CERS3: variants seen among roughly 807,000 people sequenced by gnomAD.
CERS3 encodes ceramide synthase 3.
CERS3 carries 33 observed loss-of-function variants against 50.3 expected under a neutral mutation model. That is an observed-to-expected ratio of 0.66 (90% CI 0.50 to 0.88). The LOEUF is 0.88. Among genes scored for constraint, CERS3 ranks in the 40% least tolerant of loss-of-function variants. The pLI is 0.00. For missense variants in CERS3, 470 were observed against 460.3 expected (o/e 1.02, Z -0.19); for synonymous variants, 176 against 155.2 (o/e 1.13, Z -0.99).
At chr15:100,467,389 G>T (rs1189468508) in intron 10 of CERS3, among the ~76,000 whole-genome samples, 1 of 152,086 alleles carries the variant, frequency 6.6e-6, no homozygotes, top group Non-Finnish European at 1.5e-5. Flanking sequence ...TGCAACCTGG[G>T]TGTATGTTTT....
At chr15:100,468,012 C>T (rs1486137990) in intron 10 of CERS3, among the ~76,000 whole-genome samples, 1 of 151,714 alleles carries the variant, frequency 6.6e-6, no homozygotes, top group Non-Finnish European at 1.5e-5. Context: ...AGGCATGCAC[C>T]ACCATGCCCA....
chr15:100,435,822 C>T (rs958523043), intron 11 of CERS3, among the ~76,000 whole-genome samples: 4 of 152,188 alleles, frequency 2.6e-5, no homozygotes, highest in African/African-American at 9.7e-5. Context: ...AGGGTATGAA[C>T]AGACACTTTT....
At chr15:100,518,608 T>C (rs975729781) in intron 2 of CERS3, among the ~76,000 whole-genome samples, 1 of 152,240 alleles carries the variant, frequency 6.6e-6, no homozygotes, top group Non-Finnish European at 1.5e-5. Context: ...CAATATGCAT[T>C]TACACAATTT....
At chr15:100,531,172 A>G (rs1262074026), upstream of CERS3, among the ~76,000 whole-genome samples, 1 of 152,252 alleles carries the variant, frequency 6.6e-6, no homozygotes, top group Non-Finnish European at 1.5e-5. Context: ...ACAATGAAAC[A>G]CATGTTATTT....
At chr15:100,530,952 T>C (rs996828388), upstream of CERS3, among the ~76,000 whole-genome samples, 1 of 151,910 alleles carries the variant, frequency 6.6e-6, no homozygotes, top group African/African-American at 2.4e-5. Flanking sequence ...GGCATGGTGG[T>C]GGGCGCCTGT....
At chr15:100,431,637 A>G (rs1567609593) in intron 11 of CERS3, among the ~76,000 whole-genome samples, 2 of 152,198 alleles carry the variant, frequency 1.3e-5, no homozygotes. Context: ...ACATTTTTCC[A>G]GTGGGGAGAA....
At chr15:100,421,522 A>G (rs930130585) in intron 11 of CERS3, among the ~76,000 whole-genome samples, 36 of 151,556 alleles carry the variant, frequency 2.4e-4, no homozygotes, top group African/African-American at 8.7e-4. Context: ...GGTAATTTAT[A>G]GATTCAATGC....
At chr15:100,500,743 C>T (rs909855884) in intron 3 of CERS3, among the ~76,000 whole-genome samples, 13 of 152,134 alleles carry the variant, frequency 8.5e-5, no homozygotes, top group East Asian at 1.9e-4. Flanking sequence ...AGGAATAGCA[C>T]GCTGTTGGCC....
chr15:100,466,513 G>A (rs2034721477), intron 10 of CERS3, among the ~76,000 whole-genome samples: 1 of 152,062 alleles, frequency 6.6e-6, no homozygotes. Flanking sequence ...ATACAAGGTT[G>A]GAAATGACGT....
chr15:100,402,636 T>C lies in CERS3; in HGVS notation c.*77A>G, dbSNP rs2030636424. Reference sequence around the variant, plus strand: ...AAAGAGGGAAGGGCAGAATGTGGGGTCGGTGTGGGGCCTGGAAGCCAGGCT... The same window carrying C: ...AAAGAGGGAAGGGCAGAATGTGGGGCCGGTGTGGGGCCTGGAAGCCAGGCT... On this transcript the variant is annotated 3_prime_UTR_variant, in exon 12 of 12. Transcript: ENST00000679737. The C allele has an allele frequency of 7.1e-7, 1 of 1,417,400 alleles. No individual in the cohort carries two copies. Among genetic ancestry groups the C allele is most frequent in the Non-Finnish European group, 9.6e-7 (1 of 1,039,746 alleles). The allele number at this position is 1,417,400 out of a possible 1,614,324, so 87.8% of individuals were successfully genotyped here. A position where few individuals can be genotyped will look rare whatever the true frequency, so the allele number is the denominator to read the frequency against.
At chr15:100,526,662 A>C (rs12916817) in intron 1 of CERS3, among the ~76,000 whole-genome samples, 1 of 152,188 alleles carries the variant, frequency 6.6e-6, no homozygotes, top group Non-Finnish European at 1.5e-5. Flanking sequence ...AAGCTGGATC[A>C]GCTCCACAAA....
At chr15:100,467,811 C>A (rs55995345) in intron 10 of CERS3, among the ~76,000 whole-genome samples, 59,370 of 124,158 alleles carry the variant, frequency 0.48, 15,232 homozygotes, top group Non-Finnish European at 0.56. Context: ...ATATATACGT[C>A]TATATATATG....
At chr15:100,532,182 G>A (rs2036953514), upstream of CERS3, among the ~76,000 whole-genome samples, 1 of 151,606 alleles carries the variant, frequency 6.6e-6, no homozygotes, top group South Asian at 2.1e-4. Context: ...GGGTGTAGAT[G>A]GGGAAGAAGG....
At chr15:100,535,625 T>A (rs1184619193) in intron 1 of CERS3, among the ~76,000 whole-genome samples, 2 of 142,844 alleles carry the variant, frequency 1.4e-5, no homozygotes, top group African/African-American at 5.2e-5. Context: ...GTAAGCACGA[T>A]TAGAAGTATC....
chr15:100,521,915 A>C (rs1444505590), intron 1 of CERS3, among the ~76,000 whole-genome samples, 159 bp from the exon 2 acceptor site: 1 of 152,184 alleles, frequency 6.6e-6, no homozygotes, highest in Non-Finnish European at 1.5e-5. Context: ...GGACTGGTGC[A>C]TGGGGCTTTA....
intron 10 of CERS3, among the ~76,000 whole-genome samples, chr15:100,467,341 G>C (rs1246151937): frequency 6.6e-6 from 1 of 152,134 alleles, no homozygotes; most frequent in Non-Finnish European, 1.5e-5. Context: ...TCTTAAGACA[G>C]AGGTCTGCAA....
chr15:100,419,450 C>A (rs1207393116), intron 11 of CERS3, among the ~76,000 whole-genome samples: 3 of 138,862 alleles, frequency 2.2e-5, no homozygotes, highest in African/African-American at 5.5e-5. Context: ...GAGTGACCTA[C>A]AAAGAGACTT....
In CERS3 at chr15:100,454,537, A is replaced by C. The variant is rs184126766; in HGVS notation, c.999+1356T>G. ...TGAAACTAGATCTCTGTCTCTCATC[A>C]TATACAAAAATCAACTCAACACAGA... On this transcript the variant is annotated intron_variant, in intron 11 of 11. Coordinates refer to ENST00000679737, the MANE Select transcript of CERS3 (RefSeq NM_001378789.1). 5.8e-3 allele frequency among the ~76,000 whole-genome samples: 884 copies of C among 152,290 alleles called. 7 individuals are homozygous for C. The highest frequency in any genetic ancestry group is 0.02 in the African/African-American group (850 of 41,554).
chr15:100,532,171 T>C (rs2036953208), upstream of CERS3, among the ~76,000 whole-genome samples: 1 of 152,180 alleles, frequency 6.6e-6, no homozygotes, highest in Non-Finnish European at 1.5e-5. Flanking sequence ...CACAGTTGCA[T>C]GGGTGTAGAT....
Sources: allele counts gnomAD v4.1 joint callset (sites outside exome capture counted in the v4.1 genomes callset), GRCh38; gene constraint gnomAD v4.1.1; transcripts MANE v1.5; gene names NCBI Gene and HGNC (gene_info 2026-07-23, HGNC 2026-07-21).